DPYD: variants seen among roughly 807,000 people sequenced by gnomAD.
DPYD encodes dihydropyrimidine dehydrogenase.
A neutral mutation model predicts 116.2 loss-of-function variants in DPYD; 109 were observed. The observed-to-expected ratio is 0.94, with a 90% CI of 0.80 to 1.10. The LOEUF (loss-of-function observed/expected upper bound fraction) is 1.10. Among genes scored for constraint, DPYD ranks in the 50% least tolerant of loss-of-function variants. The pLI is 0.00. For missense variants in DPYD, 1,302 were observed against 1,254.5 expected, an observed-to-expected ratio of 1.04 and a Z score of -0.57; for synonymous variants, 440 against 432.0, an observed-to-expected ratio of 1.02 and a Z score of -0.23.
chr1:97,122,943 G>T (rs1467670462), intron 20 of DPYD, among the ~76,000 whole-genome samples: 1 of 151,916 alleles, frequency 6.6e-6, no homozygotes, highest in African/African-American at 2.4e-5. Context: ...CAATTGCACT[G>T]CTCTGATTAG....
At chr1:97,362,985 G>T in intron 16 of DPYD, among the ~76,000 whole-genome samples, 1 of 152,172 alleles carries the variant, frequency 6.6e-6, no homozygotes, top group East Asian at 1.9e-4. Flanking sequence ...CTTCTGCACA[G>T]CAAAATAAAT....
intron 1 of DPYD, among the ~76,000 whole-genome samples, chr1:97,887,922 A>C (rs1056747057): frequency 3.9e-5 from 6 of 152,030 alleles, no homozygotes; most frequent in African/African-American, 1.4e-4. Context: ...TCCTGCTGTC[A>C]TGTGAAGAAG....
chr1:97,147,357 CAAACAA>C (rs1312858007), intron 20 of DPYD, among the ~76,000 whole-genome samples: 1 of 151,842 alleles, frequency 6.6e-6, no homozygotes, highest in African/African-American at 2.4e-5. Context: ...AAAAAACAAA[CAAACAA>C]ACAAACGAAC....
At chr1:97,490,311 A>T (rs1678896806) in intron 13 of DPYD, among the ~76,000 whole-genome samples, 1 of 148,578 alleles carries the variant, frequency 6.7e-6, no homozygotes, top group Non-Finnish European at 1.5e-5. Flanking sequence ...TACTACTACT[A>T]ATATAATATA....
chr1:97,259,567 G>T (rs566118068), intron 18 of DPYD, among the ~76,000 whole-genome samples: 1 of 152,026 alleles, frequency 6.6e-6, no homozygotes, highest in African/African-American at 2.4e-5. Context: ...ATCAAGGTTG[G>T]GCAGTGACTT....
intron 13 of DPYD, among the ~76,000 whole-genome samples, chr1:97,477,545 C>G (rs926247422): frequency 1.3e-5 from 2 of 150,640 alleles, no homozygotes; most frequent in Non-Finnish European, 3.0e-5. Flanking sequence ...TTATTGGAAT[C>G]AAATTCTTTG....
chr1:97,555,262 C>T (rs1651609775), intron 11 of DPYD, among the ~76,000 whole-genome samples: 1 of 152,110 alleles, frequency 6.6e-6, no homozygotes, highest in Non-Finnish European at 1.5e-5. Context: ...TTTTCCTCTT[C>T]TCAGCTCTCA....
At chr1:97,237,675 A>G (rs1051308763) in intron 18 of DPYD, among the ~76,000 whole-genome samples, 3 of 152,212 alleles carry the variant, frequency 2.0e-5, no homozygotes, top group African/African-American at 4.8e-5. Flanking sequence ...AGAAATCTAC[A>G]TAACAAAAGT....
intron 11 of DPYD, among the ~76,000 whole-genome samples, chr1:97,554,461 A>G (rs1448898830): frequency 1.3e-5 from 2 of 152,102 alleles, no homozygotes; most frequent in Non-Finnish European, 2.9e-5. Context: ...CAATAAAATG[A>G]TACCTTGAAA....
intron 8 of DPYD, among the ~76,000 whole-genome samples, chr1:97,599,382 A>G (rs1655102963): frequency 6.6e-6 from 1 of 152,162 alleles, no homozygotes; most frequent in Non-Finnish European, 1.5e-5. Flanking sequence ...TGAACAAGAT[A>G]TTAGATGTTC....
chr1:97,686,269 T>C (rs1323429475), intron 7 of DPYD, among the ~76,000 whole-genome samples: 3 of 152,164 alleles, frequency 2.0e-5, no homozygotes, highest in Non-Finnish European at 2.9e-5. Flanking sequence ...GAAAGCTGGC[T>C]AGCCATATGC....
At chr1:97,383,090 C>T (rs1234489956) in intron 14 of DPYD, among the ~76,000 whole-genome samples, 1 of 152,058 alleles carries the variant, frequency 6.6e-6, no homozygotes, top group Non-Finnish European at 1.5e-5. Context: ...AGGTTAGAAC[C>T]CTGACTCTGT....
chr1:97,323,400 ATGTGTATATGTACACGTATATATACAT>A (rs1668463210), intron 16 of DPYD, among the ~76,000 whole-genome samples: 1 of 38,528 alleles, frequency 2.6e-5, no homozygotes, highest in South Asian at 6.2e-4. Context: ...ATGTATACAT[ATGTGTATATGTACACGTATATATACAT>A]ATGTGTATAT....
intron 4 of DPYD, among the ~76,000 whole-genome samples, chr1:97,736,149 C>T (rs1304649365): frequency 6.6e-6 from 1 of 151,776 alleles, no homozygotes; most frequent in Non-Finnish European, 1.5e-5. Flanking sequence ...AATTGTTTAA[C>T]ATCAAAAACT....
At chr1:97,239,347 T>C (rs1277851183) in intron 18 of DPYD, among the ~76,000 whole-genome samples, 1 of 152,150 alleles carries the variant, frequency 6.6e-6, no homozygotes, top group Admixed American at 6.5e-5. Flanking sequence ...AGAAATGCTA[T>C]CATTGGCTAT....
intron 18 of DPYD, among the ~76,000 whole-genome samples, chr1:97,282,095 A>C (rs1469469581): frequency 6.6e-6 from 1 of 151,932 alleles, no homozygotes; most frequent in Admixed American, 6.6e-5. Flanking sequence ...ATTATGTTTG[A>C]TATTAAACCT....
chr1:97,703,820 T>C (rs1661743058), intron 5 of DPYD, among the ~76,000 whole-genome samples: 1 of 152,028 alleles, frequency 6.6e-6, no homozygotes, highest in Admixed American at 6.6e-5. Flanking sequence ...TTTGTAGTAT[T>C]TGTTATAGTT....
At chr1:97,084,356 T>C (rs1649359373) in intron 21 of DPYD, among the ~76,000 whole-genome samples, 2 of 151,876 alleles carry the variant, frequency 1.3e-5, no homozygotes, top group Admixed American at 6.6e-5. Flanking sequence ...ACATCTCGAA[T>C]GCCACTACTT....
rs1193831747 is a variant in DPYD at position 97,714,655 on chromosome 1, C to CAAAA, written c.483+6851_483+6854dup. 7.6e-3 allele frequency among the ~76,000 whole-genome samples: 376 copies of CAAAA among 49,754 alleles called. 3 individuals carry two copies. Among genetic ancestry groups the CAAAA allele is most frequent in the African/African-American group, 0.025 (342 of 13,850 alleles). 32.6% of individuals were successfully genotyped at this position (49,754 alleles called of 152,430 possible). ...GCTACAGAAGTTAAAAAAGAAAAGACAAAAAAAAAAAAAAAAAAACAACTA... is the reference window on the plus strand; with the variant it reads ...GCTACAGAAGTTAAAAAAGAAAAGACAAAAAAAAAAAAAAAAAAAAAAACAACTA... On this transcript the variant is annotated intron_variant, in intron 5 of 22. Coordinates refer to ENST00000370192, the MANE Select transcript of DPYD (RefSeq NM_000110.4).
Sources: allele counts gnomAD v4.1 joint callset (sites outside exome capture counted in the v4.1 genomes callset), GRCh38; gene constraint gnomAD v4.1.1; transcripts MANE v1.5; gene names NCBI Gene and HGNC (gene_info 2026-07-23, HGNC 2026-07-21).